DISP1: variants seen among roughly 807,000 people sequenced by gnomAD.
DISP1 encodes the protein protein dispatched homolog 1.
A neutral mutation model predicts 37.3 loss-of-function variants in DISP1; 30 were observed. That is an observed-to-expected ratio of 0.80 (90% CI 0.60 to 1.09). The LOEUF is 1.09. Ranked by LOEUF, DISP1 falls within the 50% of genes least tolerant of loss-of-function variation. The probability of loss-of-function intolerance (pLI) is 0.00; values close to 1 mark genes in which losing one functional copy is unlikely to be tolerated. For synonymous variants in DISP1, 634 were observed against 690.2 expected (o/e 0.92, Z 1.28); for missense variants, 1,598 against 1,879.5 (o/e 0.85, Z 2.77).
intron 4 of DISP1, among the ~76,000 whole-genome samples, chr1:222,983,880 C>T (rs982449653): frequency 2.6e-5 from 4 of 152,018 alleles, no homozygotes; most frequent in Non-Finnish European, 4.4e-5. Context: ...CTAAAAAAAG[C>T]GTTTTCTCAT....
At chr1:222,960,854 T>C (rs1400461445) in intron 3 of DISP1, among the ~76,000 whole-genome samples, 1 of 152,000 alleles carries the variant, frequency 6.6e-6, no homozygotes, top group Non-Finnish European at 1.5e-5. Flanking sequence ...ACAAATAAAC[T>C]AGAAAATCTA....
intron 1 of DISP1, among the ~76,000 whole-genome samples, chr1:222,822,963 T>C (rs1663324300): frequency 6.6e-6 from 1 of 152,222 alleles, no homozygotes; most frequent in African/African-American, 2.4e-5. Context: ...CTCTCGTAAC[T>C]GTTAGCTAGT....
rs192269387 is a variant in DISP1, at chr1:222,832,766, C to T, written c.-159+17688C>T. 1.4e-4 allele frequency among the ~76,000 whole-genome samples: 22 copies of T among 151,990 alleles called. No homozygotes were observed. In the East Asian group the frequency reaches 2.9e-3, roughly 20 times the overall value. Reference sequence around the variant, plus strand: ...AAAAAATCAGCCAGGCGTGGTGGCTCATGCCTGTAGTCCCAGCTACTTGGG... The same window carrying T: ...AAAAAATCAGCCAGGCGTGGTGGCTTATGCCTGTAGTCCCAGCTACTTGGG... On this transcript the variant is annotated intron_variant, in intron 1 of 8. Coordinates refer to ENST00000675850, the MANE Select transcript of DISP1 (RefSeq NM_001377229.1).
At chr1:222,828,160 G>A (rs1004264597) in intron 1 of DISP1, among the ~76,000 whole-genome samples, 2 of 152,146 alleles carry the variant, frequency 1.3e-5, no homozygotes, top group African/African-American at 4.8e-5. Flanking sequence ...CTTGTCTGTG[G>A]TTAGAAGAAA....
chr1:222,926,314 C>T (rs138120739), intron 1 of DISP1, among the ~76,000 whole-genome samples: 1 of 152,282 alleles, frequency 6.6e-6, no homozygotes, highest in East Asian at 1.9e-4. Context: ...TGTTTATCCA[C>T]TCATCAGTTA....
At chr1:222,832,865 C>T (rs1666103225) in intron 1 of DISP1, among the ~76,000 whole-genome samples, 1 of 152,132 alleles carries the variant, frequency 6.6e-6, no homozygotes. Flanking sequence ...CACTGCACTC[C>T]AGCTTTTGTG....
At chr1:222,858,022 TCA>T (rs1668644164) in intron 1 of DISP1, among the ~76,000 whole-genome samples, 3 of 151,990 alleles carry the variant, frequency 2.0e-5, no homozygotes, top group Admixed American at 6.6e-5. Context: ...TTACCAGACT[TCA>T]GACTTCAAAC....
At chr1:222,870,014 C>T (rs537376701) in intron 1 of DISP1, among the ~76,000 whole-genome samples, 33 of 152,126 alleles carry the variant, frequency 2.2e-4, no homozygotes, top group Admixed American at 7.9e-4. Flanking sequence ...TGTTCAATTC[C>T]CACCTATGAA....
At chr1:222,984,829 G>A (rs1678155501) in intron 4 of DISP1, among the ~76,000 whole-genome samples, 1 of 151,942 alleles carries the variant, frequency 6.6e-6, no homozygotes, top group Admixed American at 6.6e-5. Context: ...CCATCATTCT[G>A]CTTTCTGTCT....
At chr1:222,940,074 C>A (rs1369113579) in intron 2 of DISP1, among the ~76,000 whole-genome samples, 1 of 150,714 alleles carries the variant, frequency 6.6e-6, no homozygotes, top group Non-Finnish European at 1.5e-5. Context: ...TACAGTGAGC[C>A]GAGATCGCGC....
chr1:222,913,810 GC>G (rs1385620712), intron 1 of DISP1, among the ~76,000 whole-genome samples: 1 of 151,820 alleles, frequency 6.6e-6, no homozygotes, highest in African/African-American at 2.4e-5. Context: ...CTTTGCAATA[GC>G]TTTTATAAAA....
intron 2 of DISP1, among the ~76,000 whole-genome samples, chr1:222,932,654 T>A (rs896742500): frequency 6.6e-6 from 1 of 152,018 alleles, no homozygotes; most frequent in African/African-American, 2.4e-5. Flanking sequence ...TTTAAACTCA[T>A]CTGAAAGAGG....
At chr1:222,963,619 C>T (rs1295728533) in intron 3 of DISP1, among the ~76,000 whole-genome samples, 1 of 152,152 alleles carries the variant, frequency 6.6e-6, no homozygotes, top group Non-Finnish European at 1.5e-5. Flanking sequence ...TTTGCAGAGA[C>T]ATGGATGGAG....
At chr1:222,942,767 CCTGA>C in intron 2 of DISP1, 36 bp from the exon 3 acceptor site, 2 of 1,611,578 alleles carry the variant, frequency 1.2e-6, no homozygotes, top group South Asian at 2.2e-5. Context: ...TATTTGCCTG[CCTGA>C]CTGTAACTGG....
intron 2 of DISP1, among the ~76,000 whole-genome samples, chr1:222,936,527 G>GTCTC (rs201636227): frequency 1.0e-5 from 1 of 99,154 alleles, no homozygotes; most frequent in African/African-American, 3.5e-5. Context: ...TGATGGAAAT[G>GTCTC]TCTCTCTCTC....
At chr1:222,898,338 G>GTC (rs1354727210) in intron 1 of DISP1, among the ~76,000 whole-genome samples, 4 of 152,044 alleles carry the variant, frequency 2.6e-5, no homozygotes, top group Non-Finnish European at 4.4e-5. Flanking sequence ...CACAGTTACT[G>GTC]AAGTATCAAC....
At chr1:222,937,023 T>TGC (rs1673968208) in intron 2 of DISP1, among the ~76,000 whole-genome samples, 1 of 111,368 alleles carries the variant, frequency 9.0e-6, no homozygotes, top group Non-Finnish European at 1.8e-5. Context: ...ATATATTATA[T>TGC]ATTACATATT....
At chr1:222,926,838 G>A (rs778429766) in intron 1 of DISP1, among the ~76,000 whole-genome samples, 9 of 152,024 alleles carry the variant, frequency 5.9e-5, no homozygotes, top group African/African-American at 2.2e-4. Context: ...TAAATCGACC[G>A]CAAAAGGGAG....
At chr1:222,922,167 G>A (rs1421807121) in intron 1 of DISP1, among the ~76,000 whole-genome samples, 2 of 152,160 alleles carry the variant, frequency 1.3e-5, no homozygotes, top group Non-Finnish European at 2.9e-5. Flanking sequence ...GTGAGTGGGA[G>A]GGGAAAGAGC....
Sources: gnomAD v4.1 joint callset for allele counts (sites outside exome capture counted in the v4.1 genomes callset) on GRCh38, gnomAD v4.1.1 for gene constraint, MANE v1.5 for transcripts, NCBI Gene and HGNC (gene_info 2026-07-23, HGNC 2026-07-21) for gene names.